The following DCP2 variants were observed in gnomAD, a reference collection of about 807,000 sequenced individuals.
DCP2 encodes decapping mRNA 2, also known as m7GpppN-mRNA hydrolase.
A neutral mutation model predicts 56.1 loss-of-function variants in DCP2; 30 were observed. That is an observed-to-expected ratio of 0.53 (90% CI 0.40 to 0.73). The LOEUF is 0.73. DCP2 is among the 30% of genes least tolerant of loss of function. DCP2 has a pLI of 0.00. For missense variants in DCP2, 533 were observed against 502.7 expected, an observed-to-expected ratio of 1.06 and a Z score of -0.58; for synonymous variants, 197 against 163.3, an observed-to-expected ratio of 1.21 and a Z score of -1.57.
At position 113,016,981 on chromosome 5, in the gene DCP2, A is replaced by G; in HGVS notation, c.*3497A>G. ...CTCAGCCTCCCAAGTAGCTGGGATT[A>G]CAGGCATGCGCCACCACGCCCTGCT... is the stretch of plus-strand genomic sequence containing the variant. On this transcript the variant is annotated 3_prime_UTR_variant, in exon 11 of 11. Transcript: ENST00000389063. The G allele has an allele frequency of 6.6e-6, 1 of 152,016 alleles. No homozygotes were observed. 9.4% of individuals were successfully genotyped at this position (152,016 alleles called of 1,614,324 possible).
In DCP2 at chr5:113,013,575, T is replaced by TA; in HGVS notation, c.*94dup. 1 of 1,447,680 alleles carries TA rather than the reference T, an allele frequency of 6.9e-7. No individual in the cohort carries two copies. Among genetic ancestry groups the TA allele is most frequent in the Non-Finnish European group, 9.4e-7 (1 of 1,066,556 alleles). The allele number at this position is 1,447,680 out of a possible 1,614,324, so 89.7% of individuals were successfully genotyped here. A position where few individuals can be genotyped will look rare whatever the true frequency, so the allele number is the denominator to read the frequency against. ...CAAGCCTTACCTTTCTCAGGTGTTT[T>TA]AAAGAAATGCAGGGAGGCAATGTTT... On this transcript the variant is annotated 3_prime_UTR_variant, in exon 11 of 11. Transcript: ENST00000389063.
intron 1 of DCP2, among the ~76,000 whole-genome samples, chr5:112,980,607 T>G (rs756579649): frequency 6.6e-6 from 1 of 152,228 alleles, no homozygotes; most frequent in Non-Finnish European, 1.5e-5. Flanking sequence ...ATCAAAAGCA[T>G]TCACAGAATG....
At chr5:113,008,064 C>G (rs1232022812) in intron 9 of DCP2, 22 bp downstream of exon 9, 4 of 1,586,608 alleles carry the variant, frequency 2.5e-6, no homozygotes, top group Non-Finnish European at 3.5e-6. Context: ...AGCTGTCACA[C>G]TAAGTAGGCA....
rs34825323 is a variant in DCP2 at position 112,986,341 on chromosome 5, C to CT, written c.205+367dup. ...TTCTGATTTATTTAGAATTTTTTTTCTTTTTTTTTTTTAAGAGACAGGATC... is the reference window on the plus strand; with the variant it reads ...TTCTGATTTATTTAGAATTTTTTTTCTTTTTTTTTTTTTAAGAGACAGGATC... On this transcript the variant is annotated intron_variant, in intron 2 of 10. Coordinates refer to ENST00000389063, the MANE Select transcript of DCP2 (RefSeq NM_152624.6). Among the ~76,000 whole-genome samples the CT allele has an allele frequency of 2.9e-3, 423 of 144,516 alleles. 1 individual carries two copies. Among genetic ancestry groups the CT allele is most frequent in the African/African-American group, 7.4e-3 (294 of 39,824 alleles). The allele number at this position is 144,516 out of a possible 152,430, so 94.8% of individuals were successfully genotyped here.
rs1479771910 is a variant in DCP2, at chr5:113,013,639, C to G, written c.*155C>G. The G allele has an allele frequency of 2.5e-6, 2 of 813,484 alleles. No homozygotes were observed. The highest frequency in any genetic ancestry group is 3.4e-5 in the African/African-American group (2 of 58,028). 50.4% of individuals were successfully genotyped at this position (813,484 alleles called of 1,614,324 possible). A position where few individuals can be genotyped will look rare whatever the true frequency, so the allele number is the denominator to read the frequency against. ...CTGTTTATAAGAGAGTAGAAAGAAA[C>G]ACGAGTTTGCACTGTAAATGCAGTT... is the stretch of plus-strand genomic sequence containing the variant. On this transcript the variant is annotated 3_prime_UTR_variant, in exon 11 of 11. Coordinates refer to ENST00000389063, the MANE Select transcript of DCP2 (RefSeq NM_152624.6).
chr5:112,994,163 C>CTTTTTTTT (rs771514208), intron 4 of DCP2, among the ~76,000 whole-genome samples: 5 of 75,180 alleles, frequency 6.7e-5, no homozygotes, highest in African/African-American at 2.6e-4. Flanking sequence ...TTTTTTCTTT[C>CTTTTTTTT]TTTTTTTTTT....
chr5:112,984,703 A>AAAATATATATATATATATAT, intron 1 of DCP2: 21 of 64,852 alleles, frequency 3.2e-4, no homozygotes, highest in African/African-American at 8.7e-4. Flanking sequence ...AAAAAAAAAA[A>AAAATATATATATATATATAT]ATATATATAT....
rs550153688 is a variant in DCP2 at position 112,976,840 on chromosome 5, G to C, written c.-94G>C. 2 of 1,357,890 alleles carry C rather than the reference G, an allele frequency of 1.5e-6. No individual in the cohort carries two copies. The highest frequency in any genetic ancestry group is 1.7e-5 in the Admixed American group (1 of 59,698). The allele number at this position is 1,357,890 out of a possible 1,614,324, so 84.1% of individuals were successfully genotyped here. On this transcript the variant is annotated 5_prime_UTR_variant, in exon 1 of 11. Transcript: ENST00000389063. ...CGTCTCTGCCGCGGCTTCCTCGGCT[G>C]CCAGCTCTCCGGCGAGCCGGAGTCC...
chr5:113,008,619 A>G (rs1255689986), intron 9 of DCP2, among the ~76,000 whole-genome samples: 2 of 152,030 alleles, frequency 1.3e-5, no homozygotes, highest in Non-Finnish European at 2.9e-5. Context: ...TTTTTCATTT[A>G]TTGGTGAGTA....
chr5:112,985,789 T>C (rs765300409), intron 1 of DCP2, 46 bp from the exon 2 acceptor site: 3 of 1,580,244 alleles, frequency 1.9e-6, no homozygotes, highest in African/African-American at 1.3e-5. Flanking sequence ...AGATAAATCG[T>C]TATAGTTTGT....
intron 4 of DCP2, among the ~76,000 whole-genome samples, chr5:112,994,189 A>T (rs1489794106): frequency 2.2e-5 from 2 of 88,940 alleles, no homozygotes; most frequent in Non-Finnish European, 4.5e-5. Flanking sequence ...TTTTTTTTTT[A>T]AAGACAGGGT....
At chr5:112,987,275 T>A (rs961307008) in intron 2 of DCP2, among the ~76,000 whole-genome samples, 2 of 152,126 alleles carry the variant, frequency 1.3e-5, no homozygotes, top group African/African-American at 4.8e-5. Context: ...GGAATGTGTT[T>A]TAGGTAAAGA....
intron 4 of DCP2, among the ~76,000 whole-genome samples, chr5:113,000,245 AC>A (rs1749092001): frequency 6.6e-6 from 1 of 151,008 alleles, no homozygotes; most frequent in Admixed American, 6.6e-5. Context: ...GGTGTGAGCC[AC>A]TGTGCCCAGT....
intron 1 of DCP2, among the ~76,000 whole-genome samples, chr5:112,980,804 CTTGTT>C (rs777344693): frequency 5.9e-5 from 9 of 151,902 alleles, no homozygotes; most frequent in Non-Finnish European, 1.2e-4. Flanking sequence ...TTGACTTTTA[CTTGTT>C]TTGTTTTGAG....
intron 4 of DCP2, among the ~76,000 whole-genome samples, chr5:112,999,414 A>G (rs1429707595): frequency 2.6e-5 from 4 of 151,402 alleles, no homozygotes; most frequent in Non-Finnish European, 5.9e-5. Context: ...TGCAACCTCC[A>G]TTTCCTGGGG....
intron 2 of DCP2, among the ~76,000 whole-genome samples, chr5:112,987,270 G>A (rs573703974): frequency 6.6e-6 from 1 of 152,276 alleles, no homozygotes; most frequent in Non-Finnish European, 1.5e-5. Flanking sequence ...AGTGGGGAAT[G>A]TGTTTTAGGT....
intron 9 of DCP2, 82 bp from the exon 10 acceptor site, chr5:113,010,670 AATAC>A (rs1749643991): frequency 7.3e-7 from 1 of 1,368,572 alleles, no homozygotes; most frequent in Non-Finnish European, 9.6e-7. Flanking sequence ...GAAATTTGAT[AATAC>A]ATCTTTTGAT....
chr5:112,977,000 C>A lies in DCP2; in HGVS notation c.53+14C>A. The A allele has an allele frequency of 6.6e-7, 1 of 1,523,266 alleles. No homozygotes were observed. Among genetic ancestry groups the A allele is most frequent in the Non-Finnish European group, 8.9e-7 (1 of 1,125,738 alleles). The allele number at this position is 1,523,266 out of a possible 1,614,324, so 94.4% of individuals were successfully genotyped here. On this transcript the variant is annotated intron_variant, in intron 1 of 10. Coordinates refer to ENST00000389063, the MANE Select transcript of DCP2 (RefSeq NM_152624.6). ...CGATCTCTGCAGGTACCGCGCTACC[C>A]GACCCCCTTTCGCCCCCGTCGGGTT... is the stretch of plus-strand genomic sequence containing the variant.
intron 4 of DCP2, among the ~76,000 whole-genome samples, chr5:112,999,498 T>C (rs1472046627): frequency 6.6e-6 from 1 of 152,118 alleles, no homozygotes; most frequent in African/African-American, 2.4e-5. Flanking sequence ...CTGGCTAATT[T>C]TGTATTTTTA....
Sources: gnomAD v4.1 joint callset for allele counts (sites outside exome capture counted in the v4.1 genomes callset) on GRCh38, gnomAD v4.1.1 for gene constraint, MANE v1.5 for transcripts, NCBI Gene and HGNC (gene_info 2026-07-23, HGNC 2026-07-21) for gene names.